The following ZNF804B variants were observed in gnomAD, a reference collection of about 807,000 sequenced individuals.
The protein encoded by ZNF804B is zinc finger protein 804B.
Under a neutral mutation model 101.4 loss-of-function variants are expected in ZNF804B, and 80 were observed. The ratio of observed to expected loss-of-function variants is 0.79; its 90% CI spans 0.66 to 0.95. The LOEUF (loss-of-function observed/expected upper bound fraction) is 0.95, where lower values mean the gene tolerates loss of function less well. Among genes scored for constraint, ZNF804B ranks in the 40% least tolerant of loss-of-function variants. ZNF804B has a pLI of 0.00. For missense variants in ZNF804B, 1,673 were observed against 1,561.9 expected (o/e 1.07, Z -1.20); for synonymous variants, 622 against 558.8 (o/e 1.11, Z -1.59).
At chr7:89,308,209 A>G (rs949585016) in intron 2 of ZNF804B, among the ~76,000 whole-genome samples, 3 of 152,260 alleles carry the variant, frequency 2.0e-5, no homozygotes, top group Admixed American at 2.0e-4. Context: ...AAAAATAGGT[A>G]AGGCATTAGA....
chr7:88,934,305 A>C (rs920137626), intron 1 of ZNF804B, among the ~76,000 whole-genome samples: 22 of 152,064 alleles, frequency 1.4e-4, no homozygotes, highest in African/African-American at 5.1e-4. Flanking sequence ...TCTAGAAGAT[A>C]ATTTCAGAGA....
In ZNF804B at chr7:88,897,689, C is replaced by G. The variant is rs76434287; in HGVS notation, c.108+137605C>G. ...TGTATTTGTATTCAGCTTCTCTTCT[C>G]TGTTGAGTGGCAAAGCTGAGATTTA... On this transcript the variant is annotated intron_variant, in intron 1 of 3. Coordinates refer to ENST00000333190, the MANE Select transcript of ZNF804B (RefSeq NM_181646.5). Among the ~76,000 whole-genome samples, 165 of 152,240 alleles carry G rather than the reference C, an allele frequency of 1.1e-3. 2 individuals carry two copies. The highest frequency in any genetic ancestry group is 3.9e-3 in the African/African-American group (161 of 41,548).
At chr7:88,887,585 T>C (rs184161435) in intron 1 of ZNF804B, among the ~76,000 whole-genome samples, 3 of 152,270 alleles carry the variant, frequency 2.0e-5, no homozygotes, top group Admixed American at 2.0e-4. Context: ...TGGTCATAGG[T>C]GTGCAGCCTT....
At chr7:89,059,001 G>A (rs1250663970) in intron 1 of ZNF804B, among the ~76,000 whole-genome samples, 1 of 152,052 alleles carries the variant, frequency 6.6e-6, no homozygotes, top group Non-Finnish European at 1.5e-5. Flanking sequence ...AGCTGGAATG[G>A]TTCCTTTCAG....
rs142696289 is a variant in ZNF804B, at chr7:89,176,587, C to CTT, written c.109-41566_109-41565dup. 2.3e-3 allele frequency among the ~76,000 whole-genome samples: 125 copies of CTT among 53,862 alleles called. 1 individual carries two copies. Among genetic ancestry groups the CTT allele is most frequent in the African/African-American group, 9.3e-3 (120 of 12,872 alleles). The allele number at this position is 53,862 out of a possible 152,430, so 35.3% of individuals were successfully genotyped here. A position where few individuals can be genotyped will look rare whatever the true frequency, so the allele number is the denominator to read the frequency against. ...TTTTCTTTTTTTTCTTTCTTTCTTT[C>CTT]TTTCTTTTTTTTTTTTTTTTTCATG... is the stretch of plus-strand genomic sequence containing the variant. On this transcript the variant is annotated intron_variant, in intron 1 of 3. Coordinates refer to ENST00000333190, the MANE Select transcript of ZNF804B (RefSeq NM_181646.5).
intron 1 of ZNF804B, among the ~76,000 whole-genome samples, chr7:88,854,387 A>ATTTCTTTCTC (rs1791497031): frequency 9.2e-6 from 1 of 109,226 alleles, no homozygotes; most frequent in Non-Finnish European, 1.9e-5. Flanking sequence ...TCTGTACTGC[A>ATTTCTTTCTC]TTTCTTTCTT....
At chr7:89,291,545 G>A (rs1790292435) in intron 2 of ZNF804B, among the ~76,000 whole-genome samples, 1 of 152,030 alleles carries the variant, frequency 6.6e-6, no homozygotes, top group African/African-American at 2.4e-5. Flanking sequence ...GAAAGAATTA[G>A]TGAACTTGAA....
intron 2 of ZNF804B, among the ~76,000 whole-genome samples, chr7:89,270,543 A>G (rs1308055736): frequency 5.3e-5 from 8 of 152,206 alleles, no homozygotes; most frequent in Non-Finnish European, 8.8e-5. Flanking sequence ...TGACTTGGCA[A>G]TGAGGGCTCC....
At chr7:89,271,721 C>A (rs142474504) in intron 2 of ZNF804B, among the ~76,000 whole-genome samples, 1 of 151,918 alleles carries the variant, frequency 6.6e-6, no homozygotes, top group Admixed American at 6.6e-5. Flanking sequence ...GGTTGATAAG[C>A]TATTAATTAT....
chr7:88,837,419 CAAAT>C (rs1269570727), intron 1 of ZNF804B, among the ~76,000 whole-genome samples: 1 of 151,738 alleles, frequency 6.6e-6, no homozygotes, highest in African/African-American at 2.4e-5. Context: ...GTGATATTAA[CAAAT>C]AAATTTTTTA....
intron 2 of ZNF804B, among the ~76,000 whole-genome samples, chr7:89,299,883 C>T (rs533753631): frequency 4.7e-4 from 71 of 151,922 alleles, no homozygotes; most frequent in Non-Finnish European, 8.1e-4. Context: ...TTGCCTTAGC[C>T]AAAGGAAAAC....
chr7:88,767,823 G>T (rs1288233090), intron 1 of ZNF804B, among the ~76,000 whole-genome samples: 2 of 152,154 alleles, frequency 1.3e-5, no homozygotes, highest in Non-Finnish European at 2.9e-5. Flanking sequence ...TGACATGTTC[G>T]CAGATGTTTC....
At chr7:88,985,771 T>G (rs977885678) in intron 1 of ZNF804B, among the ~76,000 whole-genome samples, 7 of 152,108 alleles carry the variant, frequency 4.6e-5, no homozygotes, top group Non-Finnish European at 1.0e-4. Flanking sequence ...AACCATAGAC[T>G]TTTTGAAAGG....
At chr7:89,242,785 T>C (rs552665971) in intron 2 of ZNF804B, among the ~76,000 whole-genome samples, 3 of 152,040 alleles carry the variant, frequency 2.0e-5, no homozygotes, top group South Asian at 2.1e-4. Context: ...TTGTCATAAT[T>C]TATCACCTAA....
chr7:89,278,548 C>T (rs1407039752), intron 2 of ZNF804B, among the ~76,000 whole-genome samples: 1 of 151,958 alleles, frequency 6.6e-6, no homozygotes, highest in Non-Finnish European at 1.5e-5. Flanking sequence ...GGAAGGGATC[C>T]AGTTTCAGCT....
intron 1 of ZNF804B, among the ~76,000 whole-genome samples, chr7:89,195,654 G>A: frequency 6.6e-6 from 1 of 151,284 alleles, no homozygotes; most frequent in Non-Finnish European, 1.5e-5. Flanking sequence ...ACCTCTTCAA[G>A]GAGAACTACA....
intron 1 of ZNF804B, among the ~76,000 whole-genome samples, chr7:89,149,112 C>T (rs182043985): frequency 2.0e-4 from 30 of 152,182 alleles, no homozygotes; most frequent in African/African-American, 7.0e-4. Context: ...CCACTGACCC[C>T]ATGGCATGAA....
chr7:88,839,983 A>G (rs950124742), intron 1 of ZNF804B, among the ~76,000 whole-genome samples: 3 of 152,168 alleles, frequency 2.0e-5, no homozygotes, highest in African/African-American at 7.2e-5. Context: ...AGAGTTTGCA[A>G]AGAAGCTGTT....
chr7:89,124,511 A>C (rs192291895), intron 1 of ZNF804B, among the ~76,000 whole-genome samples: 1 of 152,314 alleles, frequency 6.6e-6, no homozygotes, highest in Admixed American at 6.5e-5. Flanking sequence ...AAATGTGTTC[A>C]GCACTTCAGG....
Sources: gnomAD v4.1 joint callset for allele counts (sites outside exome capture counted in the v4.1 genomes callset) on GRCh38, gnomAD v4.1.1 for gene constraint, MANE v1.5 for transcripts, NCBI Gene and HGNC (gene_info 2026-07-23, HGNC 2026-07-21) for gene names.